Variants in FGF2 observed in about 807,000 individuals in gnomAD.
The protein encoded by FGF2 is basic fibroblast growth factor bFGF.
Under a neutral mutation model 15.9 loss-of-function variants are expected in FGF2, and 13 were observed. The observed-to-expected ratio is 0.82, with a 90% CI of 0.53 to 1.30. FGF2 has a LOEUF of 1.30. Among genes scored for constraint, FGF2 ranks in the 50% most tolerant of loss-of-function variants. The pLI is 0.00. For missense variants in FGF2, 163 were observed against 196.9 expected, an observed-to-expected ratio of 0.83 and a Z score of 1.03; for synonymous variants, 90 against 78.4, an observed-to-expected ratio of 1.15 and a Z score of -0.78.
intron 1 of FGF2, among the ~76,000 whole-genome samples, chr4:122,841,903 T>G (rs948706016): frequency 6.6e-6 from 1 of 152,220 alleles, no homozygotes; most frequent in Non-Finnish European, 1.5e-5. Context: ...TTTAAAAAAT[T>G]AACAGTTTGG....
chr4:122,888,687 T>C (rs1463374051), intron 2 of FGF2: 2 of 152,368 alleles, frequency 1.3e-5, no homozygotes, highest in East Asian at 3.9e-4. Context: ...CGCCTTCATC[T>C]CCTTCAAGCA....
At chr4:122,835,896 C>T (rs533252668) in intron 1 of FGF2, among the ~76,000 whole-genome samples, 3 of 152,292 alleles carry the variant, frequency 2.0e-5, no homozygotes, top group South Asian at 2.1e-4. Flanking sequence ...ATTGGCCTTT[C>T]TTCATGTGAC....
At chr4:122,840,353 A>AGG (rs759483580) in intron 1 of FGF2, 2 of 152,302 alleles carry the variant, frequency 1.3e-5, no homozygotes, top group Non-Finnish European at 2.9e-5. Context: ...ACGCAAAAGA[A>AGG]AAGAAGGAAT....
rs532727378 is a variant in FGF2 at position 122,875,107 on chromosome 4, C to A, written c.179-1214C>A. On this transcript the variant is annotated intron_variant, in intron 1 of 2. Transcript: ENST00000644866. ...CCAGAACCTATTTTTTATTTAACAT[C>A]TGTTAGCAAAAATATATTTGGGGGA... Among the ~76,000 whole-genome samples, 11 of 152,206 alleles carry A rather than the reference C, an allele frequency of 7.2e-5. No homozygotes were observed. The East Asian group carries it at 1.9e-3, about 27-fold the overall frequency.
At chr4:122,886,939 G>A (rs1259080851) in intron 2 of FGF2, among the ~76,000 whole-genome samples, 1 of 152,196 alleles carries the variant, frequency 6.6e-6, no homozygotes, top group Non-Finnish European at 1.5e-5. Flanking sequence ...AGCTTAAGCT[G>A]ACAGAGCAAG....
intron 1 of FGF2, among the ~76,000 whole-genome samples, chr4:122,873,360 C>T (rs1242021887): frequency 1.3e-5 from 2 of 152,254 alleles, no homozygotes; most frequent in African/African-American, 4.8e-5. Context: ...AAGAGGATCT[C>T]TTAGCCCTTC....
intron 1 of FGF2, among the ~76,000 whole-genome samples, chr4:122,851,149 A>G (rs308437): frequency 0.043 from 6,553 of 152,264 alleles, 323 homozygotes; most frequent in South Asian, 0.16. Context: ...ATGAAGAGAT[A>G]ACAGAGTGGC....
intron 1 of FGF2, among the ~76,000 whole-genome samples, chr4:122,857,398 T>G (rs1019416124): frequency 6.6e-6 from 1 of 152,214 alleles, no homozygotes; most frequent in South Asian, 2.1e-4. Context: ...TGCAGTTCTT[T>G]GCCCCTGTAT....
intron 2 of FGF2, among the ~76,000 whole-genome samples, chr4:122,880,907 G>A (rs1202901451): frequency 2.2e-4 from 33 of 152,196 alleles, no homozygotes; most frequent in Admixed American, 1.9e-3. Context: ...CCAACCCTGC[G>A]CAAACTTCTG....
Position 122,872,027 on chromosome 4 carries a change from C to T in FGF2, c.179-4294C>T, listed in dbSNP as rs45551531. ...AGAACTGTATGGAGGATCAGATGGA[C>T]GAATTGACGGAAGCAGGCTTCAGAA... On this transcript the variant is annotated intron_variant, in intron 1 of 2. Coordinates refer to ENST00000644866, the MANE Select transcript of FGF2 (RefSeq NM_001361665.2). Among the ~76,000 whole-genome samples, 8 of 152,168 alleles carry T rather than the reference C, an allele frequency of 5.3e-5. No individual in the cohort carries two copies. In the South Asian group the frequency reaches 6.2e-4, roughly 12 times the overall value.
chr4:122,874,559 T>A (rs990097338), intron 1 of FGF2, among the ~76,000 whole-genome samples: 6 of 152,154 alleles, frequency 3.9e-5, no homozygotes, highest in African/African-American at 1.4e-4. Context: ...ATTAGAATAA[T>A]GAAATCCTGT....
At chr4:122,875,698 T>C (rs1386240549) in intron 1 of FGF2, among the ~76,000 whole-genome samples, 1 of 152,042 alleles carries the variant, frequency 6.6e-6, no homozygotes, top group Admixed American at 6.5e-5. Flanking sequence ...TCCCAGCTAC[T>C]TGGGAGACTG....
At chr4:122,870,859 T>G (rs1726716436) in intron 1 of FGF2, among the ~76,000 whole-genome samples, 1 of 152,182 alleles carries the variant, frequency 6.6e-6, no homozygotes, top group Non-Finnish European at 1.5e-5. Context: ...TCTTGTTTTC[T>G]GCTAGCTTTT....
chr4:122,846,148 T>C (rs1398459235), intron 1 of FGF2, among the ~76,000 whole-genome samples: 1 of 152,176 alleles, frequency 6.6e-6, no homozygotes, highest in Non-Finnish European at 1.5e-5. Flanking sequence ...AGTGGAGCAG[T>C]CAGAACACAC....
intron 1 of FGF2, among the ~76,000 whole-genome samples, chr4:122,851,953 T>C (rs1726240270): frequency 6.6e-6 from 1 of 152,196 alleles, no homozygotes; most frequent in Admixed American, 6.5e-5. Context: ...ACTATGTTGG[T>C]ATTGTTGTGA....
At chr4:122,867,921 T>C (rs1476104761) in intron 1 of FGF2, among the ~76,000 whole-genome samples, 1 of 152,220 alleles carries the variant, frequency 6.6e-6, no homozygotes, top group Non-Finnish European at 1.5e-5. Flanking sequence ...TTGTCAGATA[T>C]TAATATAGCC....
At chr4:122,863,216 C>T (rs1331136075) in intron 1 of FGF2, among the ~76,000 whole-genome samples, 1 of 152,158 alleles carries the variant, frequency 6.6e-6, no homozygotes, top group Non-Finnish European at 1.5e-5. Flanking sequence ...AGACTTATTT[C>T]AGTCACTTCT....
chr4:122,869,365 C>A (rs1726675432), intron 1 of FGF2, among the ~76,000 whole-genome samples: 1 of 152,094 alleles, frequency 6.6e-6, no homozygotes, highest in Admixed American at 6.5e-5. Context: ...TTTTCTAATT[C>A]TGTAAAGAAT....
Position 122,826,988 on chromosome 4 carries a change from A to AGAGCGGCC in FGF2, c.-179_-172dup. On this transcript the variant is annotated 5_prime_UTR_variant, in exon 1 of 3. Transcript: ENST00000644866. ...CGCGCACCAGGGGCCGGCGGACAGAAGAGCGGCCGAGCGGCTCGAGGCTGG... is the reference window on the plus strand; with the variant it reads ...CGCGCACCAGGGGCCGGCGGACAGAAGAGCGGCCGAGCGGCCGAGCGGCTCGAGGCTGG... The AGAGCGGCC allele has an allele frequency of 7.8e-7, 1 of 1,275,648 alleles. No homozygotes were observed. Among genetic ancestry groups the AGAGCGGCC allele is most frequent in the East Asian group, 3.2e-5 (1 of 31,664 alleles). 79.0% of individuals were successfully genotyped at this position (1,275,648 alleles called of 1,614,324 possible). A position where few individuals can be genotyped will look rare whatever the true frequency, so the allele number is the denominator to read the frequency against.
Sources: gnomAD v4.1 joint callset for allele counts (sites outside exome capture counted in the v4.1 genomes callset) on GRCh38, gnomAD v4.1.1 for gene constraint, MANE v1.5 for transcripts, NCBI Gene and HGNC (gene_info 2026-07-23, HGNC 2026-07-21) for gene names.